The following SCN8A variants were observed in gnomAD, a reference collection of about 807,000 sequenced individuals.
The protein encoded by SCN8A is sodium channel protein type 8 subunit alpha.
SCN8A carries 30 observed loss-of-function variants against 184.1 expected under a neutral mutation model. That is an observed-to-expected ratio of 0.16 (90% CI 0.12 to 0.22). SCN8A has a LOEUF of 0.22. SCN8A is among the 10% of genes least tolerant of loss of function. The pLI is 1.00. For synonymous variants in SCN8A, 852 were observed against 907.0 expected, an observed-to-expected ratio of 0.94 and a Z score of 1.09; for missense variants, 1,057 against 2,498.9, an observed-to-expected ratio of 0.42 and a Z score of 12.30.
intron 11 of SCN8A, among the ~76,000 whole-genome samples, chr12:51,718,469 A>G (rs916536005): frequency 6.6e-6 from 1 of 151,318 alleles, no homozygotes; most frequent in Non-Finnish European, 1.5e-5. Flanking sequence ...ACAGAATTAT[A>G]ACTGGGGATG....
chr12:51,686,959 CT>C (rs756164564), intron 4 of SCN8A, 131 bp from the exon 5 acceptor site: 30 of 825,324 alleles, frequency 3.6e-5, no homozygotes, highest in Non-Finnish European at 4.0e-5. Context: ...CACTTCCTTC[CT>C]GCTGCATTGG....
intron 1 of SCN8A, among the ~76,000 whole-genome samples, chr12:51,651,447 T>C (rs7296683): frequency 0.86 from 131,156 of 152,208 alleles, 56,764 homozygotes; most frequent in East Asian, 0.99. Context: ...TCGTGATCCA[T>C]CCACCTCGGC....
intron 1 of SCN8A, among the ~76,000 whole-genome samples, chr12:51,613,057 A>G (rs184473052): frequency 6.6e-6 from 1 of 152,082 alleles, no homozygotes; most frequent in African/African-American, 2.4e-5. Flanking sequence ...GTTTTGCATT[A>G]TCTGTGTTCA....
intron 2 of SCN8A, among the ~76,000 whole-genome samples, chr12:51,683,031 C>T (rs1941362189): frequency 1.3e-5 from 2 of 152,166 alleles, no homozygotes; most frequent in African/African-American, 4.8e-5. Context: ...ATATTAGTTA[C>T]CTTCCTTTGT....
intron 1 of SCN8A, among the ~76,000 whole-genome samples, chr12:51,650,107 G>A (rs577574987): frequency 6.6e-6 from 1 of 152,240 alleles, no homozygotes; most frequent in East Asian, 1.9e-4. Flanking sequence ...CTAAAACGTA[G>A]CAAGAGTCAC....
Position 51,721,569 on chromosome 12 carries a change from G to A in SCN8A, c.1659G>A (p.Ser553=), listed in dbSNP as rs1278071952. The A allele has an allele frequency of 6.2e-7, 1 of 1,603,620 alleles. No homozygotes were observed. The highest frequency in any genetic ancestry group is 1.1e-5 in the South Asian group (1 of 88,942). Residue 553 remains serine (S), a synonymous_variant, in exon 12 of 27, where the codon TCG becomes TCA. Transcript: ENST00000627620. ...MNQSLLSIPG[S]PFLSRHNSKS... The stretch of plus-strand genomic sequence containing the variant: ...AGTCACTGCTCAGCATCCCAGGCTC[G>A]CCCTTCCTCTCCCGCCACAACAGCA...
chr12:51,765,378 G>C (rs184347575), intron 15 of SCN8A, among the ~76,000 whole-genome samples: 1 of 152,238 alleles, frequency 6.6e-6, no homozygotes, highest in Admixed American at 6.5e-5. Context: ...ATGTTCATAT[G>C]TGGGTTTTCA....
intron 1 of SCN8A, among the ~76,000 whole-genome samples, chr12:51,624,554 C>T (rs373727256): frequency 4.7e-4 from 71 of 151,998 alleles, no homozygotes; most frequent in Non-Finnish European, 8.7e-4. Context: ...TTCTCCCATT[C>T]TGTAGGTTGC....
chr12:51,741,345 T>C (rs1308643131), intron 12 of SCN8A, among the ~76,000 whole-genome samples: 1 of 152,246 alleles, frequency 6.6e-6, no homozygotes, highest in Non-Finnish European at 1.5e-5. Flanking sequence ...TCTCAGTCTG[T>C]GTATCTTTAT....
chr12:51,802,730 T>C (rs1791561930), intron 26 of SCN8A, among the ~76,000 whole-genome samples: 2 of 152,204 alleles, frequency 1.3e-5, no homozygotes, highest in Admixed American at 1.3e-4. Flanking sequence ...TCTCCACATA[T>C]GGTCAAATGT....
intron 11 of SCN8A, 26 bp from the exon 12 acceptor site, chr12:51,721,520 C>T (rs1430303997): frequency 3.2e-6 from 5 of 1,570,072 alleles, no homozygotes; most frequent in Non-Finnish European, 4.3e-6. Flanking sequence ...CCCCGTCCCT[C>T]TCTCTTTCCC....
chr12:51,706,929 C>CT (rs1161349528), intron 11 of SCN8A, among the ~76,000 whole-genome samples: 2 of 152,160 alleles, frequency 1.3e-5, no homozygotes, highest in Non-Finnish European at 2.9e-5. Context: ...AAGAGATCCA[C>CT]TTTTTTAGCT....
At chr12:51,721,500 C>A in intron 11 of SCN8A, 46 bp from the exon 12 acceptor site, 2 of 1,531,566 alleles carry the variant, frequency 1.3e-6, no homozygotes, top group East Asian at 2.4e-5. Flanking sequence ...TCCACACTCC[C>A]GTCTCATTTC....
rs114617920 is a variant in SCN8A, at chr12:51,771,262, A to G, written c.3645+579A>G. Among the ~76,000 whole-genome samples the G allele has an allele frequency of 4.3e-3, 649 of 152,322 alleles. 7 individuals are homozygous for G. Among genetic ancestry groups the G allele is most frequent in the African/African-American group, 0.015 (625 of 41,574 alleles). ...GGGTTATAACTGAGGAGACCTGGACAGGGTGTGGTGTGAGGGAGTTGCTTG... is the reference window on the plus strand; with the variant it reads ...GGGTTATAACTGAGGAGACCTGGACGGGGTGTGGTGTGAGGGAGTTGCTTG... On this transcript the variant is annotated intron_variant, in intron 19 of 26. Transcript: ENST00000627620.
chr12:51,770,031 TCA>T, intron 18 of SCN8A, 46 bp downstream of exon 18: 1 of 1,323,410 alleles, frequency 7.6e-7, no homozygotes, highest in Non-Finnish European at 1.1e-6. Context: ...CTCGTGTTGC[TCA>T]CAGACACAGT....
intron 2 of SCN8A, among the ~76,000 whole-genome samples, chr12:51,676,119 T>C (rs572777564): frequency 2.2e-4 from 34 of 152,236 alleles, no homozygotes; most frequent in African/African-American, 7.9e-4. Flanking sequence ...ACAGCTCAAA[T>C]AGAAGTACAC....
chr12:51,620,437 A>C (rs1939934597), intron 1 of SCN8A, among the ~76,000 whole-genome samples: 1 of 152,182 alleles, frequency 6.6e-6, no homozygotes, highest in South Asian at 2.1e-4. Context: ...GTTAAGTAAT[A>C]AAACAGGTTT....
chr12:51,701,648 CT>C (rs1941689740), intron 8 of SCN8A, among the ~76,000 whole-genome samples: 1 of 152,122 alleles, frequency 6.6e-6, no homozygotes, highest in Admixed American at 6.5e-5. Context: ...GCTCTAAGAC[CT>C]TTGGCAAGCC....
intron 6 of SCN8A, among the ~76,000 whole-genome samples, chr12:51,692,728 C>G (rs1471373357): frequency 1.3e-5 from 2 of 152,226 alleles, no homozygotes; most frequent in Non-Finnish European, 2.9e-5. Flanking sequence ...CTAAGTGACT[C>G]TGTCAGAAGT....
Sources: allele counts gnomAD v4.1 joint callset (sites outside exome capture counted in the v4.1 genomes callset), GRCh38; gene constraint gnomAD v4.1.1; transcripts MANE v1.5; gene names NCBI Gene and HGNC (gene_info 2026-07-23, HGNC 2026-07-21).